The following CSMD3 variants were observed in gnomAD, a reference collection of about 807,000 sequenced individuals.
The protein encoded by CSMD3 is CUB and Sushi multiple domains 3.
Under a neutral mutation model 435.2 loss-of-function variants are expected in CSMD3, and 177 were observed. The observed-to-expected ratio is 0.41, with a 90% CI of 0.36 to 0.46. CSMD3 has a LOEUF of 0.46. Ranked by LOEUF, CSMD3 falls within the 20% of genes least tolerant of loss-of-function variation. CSMD3 has a pLI of 0.34. For missense variants in CSMD3, 4,265 were observed against 4,504.6 expected (o/e 0.95, Z 1.52); for synonymous variants, 1,656 against 1,520.5 (o/e 1.09, Z -2.07).
intron 4 of CSMD3, among the ~76,000 whole-genome samples, chr8:113,170,727 C>G (rs1352183490): frequency 6.6e-6 from 1 of 152,008 alleles, no homozygotes; most frequent in African/African-American, 2.4e-5. Context: ...TGATTCTCAG[C>G]ACATAACATA....
At chr8:112,295,449 C>G (rs955372157) in intron 54 of CSMD3, among the ~76,000 whole-genome samples, 1 of 152,000 alleles carries the variant, frequency 6.6e-6, no homozygotes, top group Non-Finnish European at 1.5e-5. Flanking sequence ...ATATTTTCCA[C>G]TATAAAAAGC....
chr8:112,714,928 T>G (rs1233526911), intron 13 of CSMD3, among the ~76,000 whole-genome samples: 1 of 152,088 alleles, frequency 6.6e-6, no homozygotes, highest in Non-Finnish European at 1.5e-5. Context: ...TAAAGCAGTG[T>G]TTAGATGGAA....
At chr8:112,899,138 T>C (rs975898543) in intron 10 of CSMD3, among the ~76,000 whole-genome samples, 25 of 151,200 alleles carry the variant, frequency 1.7e-4, no homozygotes, top group Non-Finnish European at 8.9e-5. Context: ...AAATCCTTAA[T>C]TTTAATGCAT....
At chr8:112,768,030 C>T (rs534997413) in intron 13 of CSMD3, among the ~76,000 whole-genome samples, 1 of 151,796 alleles carries the variant, frequency 6.6e-6, no homozygotes, top group South Asian at 2.1e-4. Context: ...TTTTAAAGTA[C>T]TTCAGGTGAA....
chr8:112,957,812 C>T (rs952491891), intron 7 of CSMD3, among the ~76,000 whole-genome samples: 6 of 152,194 alleles, frequency 3.9e-5, no homozygotes, highest in African/African-American at 1.4e-4. Flanking sequence ...GTGGCGTGAT[C>T]TCGGCTCACT....
At chr8:112,919,203 T>C (rs979327210) in intron 10 of CSMD3, among the ~76,000 whole-genome samples, 2 of 151,890 alleles carry the variant, frequency 1.3e-5, no homozygotes, top group African/African-American at 2.4e-5. Context: ...ATACTTCCTA[T>C]ATAATAATTG....
At chr8:113,418,374 GAA>G (rs1271150164) in intron 1 of CSMD3, among the ~76,000 whole-genome samples, 1 of 152,030 alleles carries the variant, frequency 6.6e-6, no homozygotes, top group Non-Finnish European at 1.5e-5. Flanking sequence ...GAATATTTGA[GAA>G]ATGTAAGGAA....
rs114189875 is a variant in CSMD3, at chr8:112,804,470, C to T, written c.1860-4196G>A. Reference sequence around the variant, plus strand: ...ACTGCGAGAAGCCAGATGTTGGAGGCGGGACTGGAGAAAAGAGAATCCAGA... The same window carrying T: ...ACTGCGAGAAGCCAGATGTTGGAGGTGGGACTGGAGAAAAGAGAATCCAGA... On this transcript the variant is annotated intron_variant, in intron 12 of 70. Coordinates refer to ENST00000297405, the MANE Select transcript of CSMD3 (RefSeq NM_198123.2). Among the ~76,000 whole-genome samples, 613 of 151,876 alleles carry T rather than the reference C, an allele frequency of 4.0e-3. 4 individuals carry two copies. Among genetic ancestry groups the T allele is most frequent in the African/African-American group, 0.014 (570 of 41,424 alleles).
chr8:112,806,153 T>G (rs1189118312), intron 12 of CSMD3, among the ~76,000 whole-genome samples: 1 of 152,078 alleles, frequency 6.6e-6, no homozygotes, highest in South Asian at 2.1e-4. Context: ...AAAACTCTAA[T>G]GAAATAACTG....
intron 1 of CSMD3, among the ~76,000 whole-genome samples, chr8:113,391,549 T>C (rs1258840956): frequency 4.6e-5 from 7 of 152,056 alleles, no homozygotes; most frequent in Non-Finnish European, 7.4e-5. Flanking sequence ...GTTTTGGGGA[T>C]GTTTTAATTA....
At chr8:112,839,040 T>C (rs2080106394) in intron 11 of CSMD3, among the ~76,000 whole-genome samples, 1 of 151,734 alleles carries the variant, frequency 6.6e-6, no homozygotes, top group Non-Finnish European at 1.5e-5. Context: ...ACTTACATAT[T>C]TTATTACAGA....
At chr8:113,298,125 T>C (rs1467596736) in intron 2 of CSMD3, among the ~76,000 whole-genome samples, 2 of 152,084 alleles carry the variant, frequency 1.3e-5, no homozygotes, top group African/African-American at 4.8e-5. Context: ...GTTAATACTA[T>C]AATTAAAATT....
chr8:112,950,303 T>C (rs1232282365), intron 8 of CSMD3, among the ~76,000 whole-genome samples: 1 of 151,882 alleles, frequency 6.6e-6, no homozygotes, highest in African/African-American at 2.4e-5. Flanking sequence ...TTTGGAAATA[T>C]TGTAGTATAT....
In CSMD3 at chr8:112,314,040, T is replaced by C. The variant is rs139333908; in HGVS notation, c.7562A>G (p.Gln2521Arg). The C allele has an allele frequency of 5.6e-4, 905 of 1,608,558 alleles. 7 individuals carry two copies. The highest frequency in any genetic ancestry group is 8.0e-4 in the Admixed American group (48 of 59,978). Residue 2521 changes from glutamine (Q) to arginine (R), a missense_variant, in exon 49 of 71, where the codon CAA becomes CGA. By Grantham distance (43) the Gln-to-Arg change is conservative. Transcript: ENST00000297405. Reference protein sequence around the residue: ...VLQVYDGPNIQSPVLISLSGD... With the variant: ...VLQVYDGPNIRSPVLISLSGD... ...ACTGAGGGAAATAAGCACTGGACTT[T>C]GAATATTTGGTCCTTTGGGAAGAAA...
chr8:112,947,638 A>G (rs1014410768), intron 9 of CSMD3, 152 bp downstream of exon 9: 9 of 480,914 alleles, frequency 1.9e-5, no homozygotes, highest in Non-Finnish European at 3.3e-5. Flanking sequence ...TAATCCCTTT[A>G]AAATAATTAG....
intron 23 of CSMD3, among the ~76,000 whole-genome samples, chr8:112,578,930 A>G (rs969733857): frequency 2.0e-5 from 3 of 152,066 alleles, no homozygotes; most frequent in African/African-American, 7.2e-5. Flanking sequence ...GCAATGTACA[A>G]ATAGTAATAA....
At chr8:113,361,751 T>A (rs1188618874) in intron 1 of CSMD3, among the ~76,000 whole-genome samples, 1 of 152,146 alleles carries the variant, frequency 6.6e-6, no homozygotes, top group East Asian at 1.9e-4. Flanking sequence ...TTTATGACAT[T>A]TATAGGAACC....
At chr8:112,943,610 A>G (rs147676560) in intron 9 of CSMD3, among the ~76,000 whole-genome samples, 8 of 151,862 alleles carry the variant, frequency 5.3e-5, no homozygotes, top group Non-Finnish European at 8.9e-5. Context: ...TTACTTCATA[A>G]CAATTTGATT....
At chr8:113,119,127 C>G (rs546902782) in intron 4 of CSMD3, among the ~76,000 whole-genome samples, 15 of 152,226 alleles carry the variant, frequency 9.9e-5, no homozygotes, top group African/African-American at 2.9e-4. Context: ...CACTCTGCTC[C>G]TGAATTCTAT....
Sources: gnomAD v4.1 joint callset for allele counts (sites outside exome capture counted in the v4.1 genomes callset) on GRCh38, gnomAD v4.1.1 for gene constraint, MANE v1.5 for transcripts, NCBI Gene and HGNC (gene_info 2026-07-23, HGNC 2026-07-21) for gene names.